The following RBL1 variants were observed in gnomAD, a reference collection of about 807,000 sequenced individuals.
The protein encoded by RBL1 is RB transcriptional corepressor like 1.
In RBL1, 82 loss-of-function variants were observed where a neutral mutation model predicts 123.0. That is an observed-to-expected ratio of 0.67 (90% CI 0.56 to 0.80). The LOEUF is 0.80. RBL1 is among the 30% of genes least tolerant of loss of function. The pLI is 0.00. For synonymous variants in RBL1, 405 were observed against 441.3 expected (o/e 0.92, Z 1.03); for missense variants, 1,171 against 1,299.6 (o/e 0.90, Z 1.52).
chr20:37,050,123 C>T (rs554023025), intron 11 of RBL1, among the ~76,000 whole-genome samples: 6 of 149,802 alleles, frequency 4.0e-5, no homozygotes, highest in Middle Eastern at 3.5e-3. Context: ...GAAACAGAGA[C>T]GAAGCAGTCA....
intron 9 of RBL1, among the ~76,000 whole-genome samples, chr20:37,057,018 T>TA (rs2065022235): frequency 6.6e-6 from 1 of 150,952 alleles, no homozygotes; most frequent in African/African-American, 2.5e-5. Flanking sequence ...CCTACCTACC[T>TA]ACCTACCTAC....
chr20:37,095,747 C>T (rs756667201), intron 1 of RBL1, 26 bp downstream of exon 1: 13 of 1,558,352 alleles, frequency 8.3e-6, no homozygotes, highest in Non-Finnish European at 1.1e-5. Flanking sequence ...GGGTAGGGTC[C>T]GGCCGCCCCA....
At chr20:37,047,305 A>G in intron 11 of RBL1, 115 bp from the exon 12 acceptor site, 1 of 1,193,202 alleles carries the variant, frequency 8.4e-7, no homozygotes, top group Non-Finnish European at 1.1e-6. Flanking sequence ...ATTACACTAG[A>G]TTACTGGAGA....
Position 37,095,756 on chromosome 20 carries a change from C to T in RBL1, c.156+17G>A. ...TGGCGAGGGTAGGGTCCGGCCGCCCCACCTGCTGCCGCTCACCTCTAGGCT... is the reference window on the plus strand; with the variant it reads ...TGGCGAGGGTAGGGTCCGGCCGCCCTACCTGCTGCCGCTCACCTCTAGGCT... On this transcript the variant is annotated intron_variant, in intron 1 of 21. Transcript: ENST00000373664. 6.4e-7 allele frequency: 1 copy of T among 1,573,818 alleles called. No individual in the cohort carries two copies.
intron 2 of RBL1, among the ~76,000 whole-genome samples, chr20:37,071,190 C>T (rs1039919075): frequency 6.6e-6 from 1 of 152,092 alleles, no homozygotes; most frequent in African/African-American, 2.4e-5. Flanking sequence ...CCACTGCACT[C>T]GGCCCTATGT....
chr20:36,999,853 T>C (rs1386019712), intron 21 of RBL1, among the ~76,000 whole-genome samples: 5 of 152,212 alleles, frequency 3.3e-5, no homozygotes, highest in Admixed American at 2.6e-4. Flanking sequence ...AACCTCCACT[T>C]CCCAGCTGCC....
chr20:37,087,376 G>T (rs2065565682), intron 2 of RBL1, among the ~76,000 whole-genome samples: 1 of 151,944 alleles, frequency 6.6e-6, no homozygotes, highest in Non-Finnish European at 1.5e-5. Context: ...TTAAGGTCAG[G>T]ACTTTGAGAC....
At chr20:37,059,168 A>G (rs549769086) in intron 9 of RBL1, among the ~76,000 whole-genome samples, 5 of 152,190 alleles carry the variant, frequency 3.3e-5, no homozygotes, top group Non-Finnish European at 5.9e-5. Context: ...ATCCAGATCT[A>G]TTTACTCAAA....
At chr20:37,024,810 A>T (rs1237590790) in intron 16 of RBL1, among the ~76,000 whole-genome samples, 4 of 152,190 alleles carry the variant, frequency 2.6e-5, no homozygotes, top group African/African-American at 9.7e-5. Flanking sequence ...TGGTAAGTAA[A>T]TGGGGAAACT....
intron 2 of RBL1, among the ~76,000 whole-genome samples, chr20:37,083,365 G>A (rs1402406910): frequency 6.6e-6 from 1 of 152,074 alleles, no homozygotes; most frequent in Non-Finnish European, 1.5e-5. Flanking sequence ...CTACTCAGGA[G>A]GGCGTGGTGG....
intron 11 of RBL1, 121 bp from the exon 12 acceptor site, chr20:37,047,311 G>A: frequency 1.7e-6 from 2 of 1,169,242 alleles, no homozygotes; most frequent in Non-Finnish European, 2.3e-6. Flanking sequence ...CTAGATTACT[G>A]GAGATAAAAA....
Position 37,091,186 on chromosome 20 carries a change from G to A in RBL1, c.157-2064C>T, listed in dbSNP as rs142375774. ...AGCCTGGCCAATGTGGCGAAACCCC[G>A]TCTCTACTAAAAAATACAAAAATTA... On this transcript the variant is annotated intron_variant, in intron 1 of 21. Transcript: ENST00000373664. Among the ~76,000 whole-genome samples, 176 of 152,086 alleles carry A rather than the reference G, an allele frequency of 1.2e-3. 1 individual carries two copies. The highest frequency in any genetic ancestry group is 2.8e-3 in the Admixed American group (43 of 15,244).
intron 9 of RBL1, 72 bp downstream of exon 9, chr20:37,061,031 T>C (rs920579744): frequency 1.5e-5 from 21 of 1,398,456 alleles, no homozygotes; most frequent in Non-Finnish European, 1.9e-5. Flanking sequence ...ATTCTGAATA[T>C]ACTAAAAATA....
At chr20:37,013,220 G>A (rs931958850) in intron 19 of RBL1, among the ~76,000 whole-genome samples, 6 of 152,088 alleles carry the variant, frequency 3.9e-5, no homozygotes, top group African/African-American at 1.4e-4. Flanking sequence ...AGACATGGGA[G>A]ACTTCTCATT....
At chr20:37,053,583 A>C (rs1038695486) in intron 11 of RBL1, among the ~76,000 whole-genome samples, 2 of 152,058 alleles carry the variant, frequency 1.3e-5, no homozygotes, top group African/African-American at 4.8e-5. Flanking sequence ...ACTTTCTCTT[A>C]TTTATTTCAA....
chr20:37,089,102 C>A lies in RBL1; in HGVS notation c.177G>T (p.Leu59Phe). ...GGCATGCAACATATAATGAACATGC[C>A]AACCAGTGTGTAACTTCTCCCTGGC... is the stretch of plus-strand genomic sequence containing the variant. ...YSLEGEVTHW[L>F]ACSLYVACRK... The change falls in exon 2 of 22, where the codon TTG becomes TTT. Residue 59 changes from leucine to phenylalanine, a missense_variant. Physicochemically the swap from Leu to Phe is conservative, Grantham distance 22. Transcript: ENST00000373664. The A allele has an allele frequency of 1.2e-6, 2 of 1,607,270 alleles. No individual in the cohort carries two copies. The highest frequency in any genetic ancestry group is 1.1e-5 in the South Asian group (1 of 89,952).
chr20:37,039,670 A>G (rs1381893171), intron 14 of RBL1, among the ~76,000 whole-genome samples: 1 of 152,214 alleles, frequency 6.6e-6, no homozygotes, highest in South Asian at 2.1e-4. Flanking sequence ...AAATTACCCA[A>G]TTTTGGGTAT....
At chr20:37,017,135 G>T (rs976689936) in intron 19 of RBL1, among the ~76,000 whole-genome samples, 1 of 152,024 alleles carries the variant, frequency 6.6e-6, no homozygotes, top group African/African-American at 2.4e-5. Context: ...TACTTTGGGA[G>T]GCCAAGGTGG....
At chr20:37,071,871 G>A (rs555243755) in intron 2 of RBL1, among the ~76,000 whole-genome samples, 1 of 152,100 alleles carries the variant, frequency 6.6e-6, no homozygotes, top group South Asian at 2.1e-4. Flanking sequence ...TTCACCTACC[G>A]TGACTGTAAA....
Sources: allele counts gnomAD v4.1 joint callset (sites outside exome capture counted in the v4.1 genomes callset), GRCh38; gene constraint gnomAD v4.1.1; transcripts MANE v1.5; gene names NCBI Gene and HGNC (gene_info 2026-07-23, HGNC 2026-07-21).